ADH7: variants seen among roughly 807,000 people sequenced by gnomAD.
ADH7 encodes alcohol dehydrogenase 7 (class IV), mu or sigma polypeptide.
A neutral mutation model predicts 34.4 loss-of-function variants in ADH7; 41 were observed. The ratio of observed to expected loss-of-function variants is 1.19; its 90% confidence interval spans 0.93 to 1.55. The LOEUF is 1.55. Among genes scored for constraint, ADH7 ranks in the 40% most tolerant of loss-of-function variants. The pLI, the probability that ADH7 is intolerant of heterozygous loss-of-function variation, is 0.00. For synonymous variants in ADH7, 180 were observed against 160.9 expected (o/e 1.12, Z -0.90); for missense variants, 540 against 461.2 (o/e 1.17, Z -1.56).
chr4:99,430,552 C>A (rs1009763585), intron 1 of ADH7, among the ~76,000 whole-genome samples: 3 of 152,132 alleles, frequency 2.0e-5, no homozygotes, highest in African/African-American at 7.2e-5. Flanking sequence ...TCAACAAACA[C>A]AACAGTCCTA....
chr4:99,428,959 T>A (rs934147887), intron 2 of ADH7, among the ~76,000 whole-genome samples: 1 of 152,178 alleles, frequency 6.6e-6, no homozygotes, highest in Non-Finnish European at 1.5e-5. Context: ...CTTATTGGGC[T>A]CTCTTAACAA....
chr4:99,434,799 A>G, intron 1 of ADH7, among the ~76,000 whole-genome samples: 1 of 152,130 alleles, frequency 6.6e-6, no homozygotes, highest in East Asian at 1.9e-4. Context: ...AATGGCAGGA[A>G]CGTTTCTTCC....
At chr4:99,435,043 AT>A in intron 1 of ADH7, 172 bp downstream of exon 1, 1 of 1,543,560 alleles carries the variant, frequency 6.5e-7, no homozygotes, top group Non-Finnish European at 8.7e-7. Flanking sequence ...TTCCACTGAC[AT>A]TCTCTGAAAC....
intron 5 of ADH7, among the ~76,000 whole-genome samples, chr4:99,422,812 T>C (rs1721697202): frequency 6.7e-6 from 1 of 149,736 alleles, no homozygotes; most frequent in Non-Finnish European, 1.5e-5. Flanking sequence ...GATTCTTTTT[T>C]TTTTCTAATA....
intron 8 of ADH7, among the ~76,000 whole-genome samples, chr4:99,413,402 G>C (rs1028745844): frequency 2.0e-5 from 3 of 152,174 alleles, no homozygotes; most frequent in African/African-American, 4.8e-5. Context: ...GCCAACAAGA[G>C]GGAAGTGGTT....
chr4:99,415,885 C>T, intron 7 of ADH7: 1 of 230,680 alleles, frequency 4.3e-6, no homozygotes. Context: ...AAAAACCAAA[C>T]ACCGCACGTT....
intron 1 of ADH7, chr4:99,434,991 G>A (rs1345475563): frequency 7.8e-5 from 112 of 1,444,808 alleles, no homozygotes; most frequent in Middle Eastern, 1.7e-4. Flanking sequence ...TTCCACCAAT[G>A]TCTTGCTGAC....
chr4:99,420,657 G>A lies in ADH7; in HGVS notation c.701C>T (p.Ala234Val), dbSNP rs773640231. The change falls in exon 6 of 9, where the codon GCT (alanine) becomes GTT (valine). Residue 234 changes from alanine (A) to valine (V), a missense_variant. By Grantham distance (64) the Ala-to-Val change is moderately conservative. Transcript: ENST00000437033. The part of the protein sequence containing the change: ...LNKDKFEKAM[A>V]VGATECISPK... Reference sequence around the variant, plus strand: ...ACTGATACACTCAGTGGCACCTACAGCCATGGCCTTCTCAAATTTGTCTTT... The same window carrying A: ...ACTGATACACTCAGTGGCACCTACAACCATGGCCTTCTCAAATTTGTCTTT... 6 of 1,613,838 alleles carry A rather than the reference G, an allele frequency of 3.7e-6. No homozygotes were observed. The African/African-American group carries it at 5.3e-5, about 14-fold the overall frequency.
In ADH7 at chr4:99,428,003, C is replaced by A. The variant is rs778055208; in HGVS notation, c.348-14G>T. The A allele has an allele frequency of 2.4e-5, 39 of 1,613,104 alleles. No individual in the cohort carries two copies. Among genetic ancestry groups the A allele is most frequent in the Non-Finnish European group, 3.3e-5 (39 of 1,179,356 alleles). On this transcript the variant is annotated splice_polypyrimidine_tract_variant and intron_variant, in intron 4 of 8. Coordinates refer to ENST00000437033, the MANE Select transcript of ADH7 (RefSeq NM_000673.7). ...CGACCAGTAATACTGTTTGATACATCAAATACACGTATTAATTAATTCAAT... is the reference window on the plus strand; with the variant it reads ...CGACCAGTAATACTGTTTGATACATAAAATACACGTATTAATTAATTCAAT...
At chr4:99,432,806 G>A (rs953557505) in intron 1 of ADH7, 6 of 151,890 alleles carry the variant, frequency 4.0e-5, no homozygotes, top group Middle Eastern at 3.2e-3. Context: ...AAATAAAAAT[G>A]AGATACAATT....
At position 99,430,357 on chromosome 4, in the gene ADH7, G is replaced by C. The variant is rs544305174; in HGVS notation, c.19-724C>G. 3.3e-5 allele frequency: 5 copies of C among 152,314 alleles called. No homozygotes were observed. In the South Asian group the frequency reaches 1.0e-3, roughly 32 times the overall value. 9.4% of individuals were successfully genotyped at this position (152,314 alleles called of 1,614,324 possible). ...TGACTGGCATCCAGTTGTTCAACTG[G>C]TTTTGCTGTAGTTATTCAATTAAAT... On this transcript the variant is annotated intron_variant, in intron 1 of 8. Coordinates refer to ENST00000437033, the MANE Select transcript of ADH7 (RefSeq NM_000673.7).
In ADH7 at chr4:99,420,773, G is replaced by T. The variant is rs757198627; in HGVS notation, c.585C>A (p.Cys195Ter). Residue 195 changes from cysteine to a stop codon, truncating the protein, a stop_gained, in exon 6 of 9, where the codon TGC becomes TGA. Coordinates refer to ENST00000437033, the MANE Select transcript of ADH7 (RefSeq NM_000673.7). LOFTEE classifies it high-confidence loss of function. Reference sequence around the variant, plus strand: ...CAACTCCTCCCAGGCCAAAGACGACGCAAGTGGAACCAGGTTTGACCTGTG... The same window carrying T: ...CAACTCCTCCCAGGCCAAAGACGACTCAAGTGGAACCAGGTTTGACCTGTG... ...KTGKVKPGST[C>*]VVFGLGGVGL... 1.2e-6 allele frequency: 2 copies of T among 1,613,652 alleles called. No individual in the cohort carries two copies. Among genetic ancestry groups the T allele is most frequent in the Admixed American group, 3.3e-5 (2 of 59,884 alleles).
chr4:99,432,814 A>C (rs551929846), intron 1 of ADH7: 2 of 152,240 alleles, frequency 1.3e-5, no homozygotes, highest in South Asian at 4.1e-4. Flanking sequence ...ATGAGATACA[A>C]TTCTGTGCCT....
At chr4:99,428,393 T>C in intron 3 of ADH7, 99 bp downstream of exon 3, 2 of 1,412,780 alleles carry the variant, frequency 1.4e-6, no homozygotes, top group Non-Finnish European at 1.9e-6. Flanking sequence ...CTGAATTGTG[T>C]TAAGGATCCC....
chr4:99,425,428 G>A (rs1721777260), intron 5 of ADH7, among the ~76,000 whole-genome samples: 1 of 152,054 alleles, frequency 6.6e-6, no homozygotes, highest in African/African-American at 2.4e-5. Context: ...TGATAAAACA[G>A]ACTTTAAACC....
At chr4:99,417,299 G>A (rs1668545944) in intron 7 of ADH7, among the ~76,000 whole-genome samples, 1 of 152,138 alleles carries the variant, frequency 6.6e-6, no homozygotes, top group Admixed American at 6.6e-5. Flanking sequence ...TCTGACCCCA[G>A]CTGTGACTGT....
intron 1 of ADH7, among the ~76,000 whole-genome samples, chr4:99,433,449 G>A (rs1052571716): frequency 6.6e-6 from 1 of 152,098 alleles, no homozygotes; most frequent in African/African-American, 2.4e-5. Flanking sequence ...TATTATGATT[G>A]ATTTTTTTCC....
intron 8 of ADH7, 142 bp downstream of exon 8, chr4:99,415,336 T>C: frequency 4.4e-6 from 4 of 901,270 alleles, no homozygotes; most frequent in Non-Finnish European, 6.9e-6. Flanking sequence ...ATGCAGTGGG[T>C]AAAGAGAAGT....
chr4:99,414,679 C>T (rs374278476), intron 8 of ADH7, among the ~76,000 whole-genome samples: 1 of 152,080 alleles, frequency 6.6e-6, no homozygotes, highest in East Asian at 1.9e-4. Flanking sequence ...TGGCACTACC[C>T]CAGGAGGTTT....
Sources: gnomAD v4.1 joint callset for allele counts (sites outside exome capture counted in the v4.1 genomes callset) on GRCh38, gnomAD v4.1.1 for gene constraint, MANE v1.5 for transcripts, NCBI Gene and HGNC (gene_info 2026-07-23, HGNC 2026-07-21) for gene names.